Variants in MAML2 observed in about 807,000 individuals in gnomAD.
MAML2 encodes mastermind like transcriptional coactivator 2.
MAML2 carries 22 observed loss-of-function variants against 96.1 expected under a neutral mutation model. The observed-to-expected ratio is 0.23, with a 90% CI of 0.16 to 0.33. MAML2 has a LOEUF of 0.33. Among genes scored for constraint, MAML2 ranks in the 10% least tolerant of loss-of-function variants. The probability of loss-of-function intolerance (pLI) is 1.00; values close to 1 mark genes in which losing one functional copy is unlikely to be tolerated. For missense variants in MAML2, 1,367 were observed against 1,392.4 expected (o/e 0.98, Z 0.29); for synonymous variants, 561 against 521.3 (o/e 1.08, Z -1.04).
At chr11:96,293,986 G>T (rs1863251594) in intron 1 of MAML2, among the ~76,000 whole-genome samples, 1 of 152,180 alleles carries the variant, frequency 6.6e-6, no homozygotes. Context: ...TTCAATTGCA[G>T]TTGGAAAATA....
chr11:96,281,757 C>T lies in MAML2; in HGVS notation c.513+59626G>A, dbSNP rs1863070395. On this transcript the variant is annotated intron_variant, in intron 1 of 4. Coordinates refer to ENST00000524717, the MANE Select transcript of MAML2 (RefSeq NM_032427.4). ...TGGCAGCATGCACCTGTAATCCCAG[C>T]TACTCAGGAGGCAGAAGTGGGAGGA... is the stretch of plus-strand genomic sequence containing the variant. Among the ~76,000 whole-genome samples, 3 of 152,020 alleles carry T rather than the reference C, an allele frequency of 2.0e-5. No homozygotes were observed. In the South Asian group the frequency reaches 6.2e-4, roughly 32 times the overall value.
intron 1 of MAML2, among the ~76,000 whole-genome samples, chr11:96,316,692 G>A (rs1565282039): frequency 6.6e-6 from 1 of 152,190 alleles, no homozygotes; most frequent in Non-Finnish European, 1.5e-5. Flanking sequence ...TATTCTAAGT[G>A]CAACAGGAGG....
intron 1 of MAML2, among the ~76,000 whole-genome samples, chr11:96,319,636 T>G (rs1273248294): frequency 6.6e-6 from 1 of 152,190 alleles, no homozygotes. Flanking sequence ...TTGAATTAGT[T>G]ATGCACAGAT....
chr11:96,144,899 G>A (rs1860791513), intron 1 of MAML2, among the ~76,000 whole-genome samples: 1 of 152,180 alleles, frequency 6.6e-6, no homozygotes, highest in Non-Finnish European at 1.5e-5. Flanking sequence ...CAGGGGACAA[G>A]TCAAAGGTAA....
intron 1 of MAML2, among the ~76,000 whole-genome samples, chr11:96,189,354 T>C (rs369918212): frequency 8.5e-5 from 13 of 152,372 alleles, no homozygotes; most frequent in Admixed American, 3.9e-4. Flanking sequence ...TATGTATTAA[T>C]GTAGTGTTTT....
At chr11:96,242,033 G>A (rs995115457) in intron 1 of MAML2, among the ~76,000 whole-genome samples, 8 of 152,172 alleles carry the variant, frequency 5.3e-5, no homozygotes, top group African/African-American at 1.9e-4. Context: ...TGTGATTGGA[G>A]CAGAAAGCTA....
chr11:96,017,990 T>G (rs1204127652), intron 2 of MAML2, among the ~76,000 whole-genome samples: 1 of 152,144 alleles, frequency 6.6e-6, no homozygotes, highest in Non-Finnish European at 1.5e-5. Context: ...ATGTGGTGAA[T>G]AGTTTGTACG....
chr11:96,127,850 CT>C (rs750733592), intron 1 of MAML2, among the ~76,000 whole-genome samples: 11 of 152,156 alleles, frequency 7.2e-5, no homozygotes, highest in Admixed American at 4.6e-4. Flanking sequence ...CCTAGTGGCC[CT>C]ACTGTTTCCA....
At chr11:96,040,914 G>A (rs1858797190) in intron 2 of MAML2, among the ~76,000 whole-genome samples, 2 of 152,180 alleles carry the variant, frequency 1.3e-5, no homozygotes, top group African/African-American at 4.8e-5. Context: ...TGTATATTAT[G>A]TATTTTTAAT....
intron 2 of MAML2, among the ~76,000 whole-genome samples, chr11:96,089,295 C>A (rs551143104): frequency 6.6e-6 from 1 of 152,232 alleles, no homozygotes; most frequent in Admixed American, 6.5e-5. Context: ...ATCAGAAGAA[C>A]CTTAGAAGTA....
At chr11:96,121,907 C>G (rs1309831017) in intron 1 of MAML2, among the ~76,000 whole-genome samples, 2 of 144,354 alleles carry the variant, frequency 1.4e-5, no homozygotes, top group African/African-American at 5.2e-5. Flanking sequence ...CTGCTCCAGC[C>G]TCCCTAGCAG....
In MAML2 at chr11:96,092,613, C is replaced by G. The variant is rs779839045; in HGVS notation, c.1418G>C (p.Gly473Ala). The G allele has an allele frequency of 1.9e-6, 3 of 1,612,948 alleles. No homozygotes were observed. The highest frequency in any genetic ancestry group is 2.5e-6 in the Non-Finnish European group (3 of 1,179,238). Residue 473 changes from glycine (G) to alanine (A), a missense_variant, in exon 2 of 5, where the codon GGT becomes GCT. Coordinates refer to ENST00000524717, the MANE Select transcript of MAML2 (RefSeq NM_032427.4). The surrounding 1 kb of genome is among the most constrained non-coding windows in gnomAD (Gnocchi z 4.1). ...GGGGATTTTCTCCTGCCCAAATGGA[C>G]CTGGTGATGGTCCAGCAGAAGAGGG... ...ALPSSAGPSP[G>A]PFGQEKIPSP...
intron 1 of MAML2, among the ~76,000 whole-genome samples, chr11:96,178,321 T>C (rs1398306725): frequency 6.6e-6 from 1 of 152,136 alleles, no homozygotes; most frequent in Admixed American, 6.5e-5. Flanking sequence ...TTGTTTTTAA[T>C]GCCCGTGGAG....
chr11:96,174,964 C>T (rs1257903156), intron 1 of MAML2, among the ~76,000 whole-genome samples: 1 of 152,170 alleles, frequency 6.6e-6, no homozygotes, highest in Non-Finnish European at 1.5e-5. Flanking sequence ...GTTTTATAAT[C>T]GCCATTCAGC....
chr11:96,218,410 C>T lies in MAML2; in HGVS notation c.513+122973G>A, dbSNP rs145009224. ...TCAGCATGTCTTTTTTTATCCTCAG[C>T]GTACACAGCATGAAATGCATTTTTA... On this transcript the variant is annotated intron_variant, in intron 1 of 4. Coordinates refer to ENST00000524717, the MANE Select transcript of MAML2 (RefSeq NM_032427.4). Among the ~76,000 whole-genome samples, 39 of 152,258 alleles carry T rather than the reference C, an allele frequency of 2.6e-4. No homozygotes were observed. In the East Asian group the frequency reaches 6.2e-3, roughly 24 times the overall value.
chr11:96,159,626 G>A lies in MAML2; in HGVS notation c.514-66109C>T, dbSNP rs570311166. On this transcript the variant is annotated intron_variant, in intron 1 of 4. Coordinates refer to ENST00000524717, the MANE Select transcript of MAML2 (RefSeq NM_032427.4). Reference sequence around the variant, plus strand: ...TTTTTAGTAGAGACGGCGTTTCACCGTGTTAGCCAGGATGGTCTCGATCTC... The same window carrying A: ...TTTTTAGTAGAGACGGCGTTTCACCATGTTAGCCAGGATGGTCTCGATCTC... Among the ~76,000 whole-genome samples the A allele has an allele frequency of 1.6e-4, 25 of 151,936 alleles. No individual in the cohort carries two copies. In the East Asian group the frequency reaches 4.1e-3, roughly 25 times the overall value.
intron 1 of MAML2, among the ~76,000 whole-genome samples, chr11:96,254,781 T>C (rs1862637998): frequency 6.6e-6 from 1 of 152,114 alleles, no homozygotes; most frequent in South Asian, 2.1e-4. Context: ...ATGGAATATA[T>C]TTGTCAGAGG....
At position 96,026,765 on chromosome 11, in the gene MAML2, G is replaced by A. The variant is rs185546367; in HGVS notation, c.2140-35042C>T. On this transcript the variant is annotated intron_variant, in intron 2 of 4. Transcript: ENST00000524717. ...ATGTAGATGCAACACGAGTAGATAC[G>A]GCACAGTAGATACAACATGAGAAGG... Among the ~76,000 whole-genome samples the A allele has an allele frequency of 3.1e-4, 46 of 149,806 alleles. No homozygotes were observed. In the East Asian group the frequency reaches 5.6e-3, roughly 18 times the overall value.
intron 2 of MAML2, among the ~76,000 whole-genome samples, chr11:96,069,808 A>G (rs2135786775): frequency 6.6e-6 from 1 of 152,222 alleles, no homozygotes; most frequent in East Asian, 1.9e-4. Flanking sequence ...GCGGATCACA[A>G]GGTCAAGAGA....
Sources: gnomAD v4.1 joint callset for allele counts (sites outside exome capture counted in the v4.1 genomes callset) on GRCh38, gnomAD v4.1.1 for gene constraint, Gnocchi (gnomAD v3.1) non-coding constraint, MANE v1.5 for transcripts, NCBI Gene and HGNC (gene_info 2026-07-23, HGNC 2026-07-21) for gene names.